Variants in RCC1L observed in about 807,000 individuals in gnomAD.
The protein encoded by RCC1L is RCC1-like G exchanging factor-like protein.
Under a neutral mutation model 58.6 loss-of-function variants are expected in RCC1L, and 46 were observed. The ratio of observed to expected loss-of-function variants is 0.79; its 90% CI spans 0.62 to 1.00. The LOEUF is 1.00. Ranked by LOEUF, RCC1L falls within the 50% of genes least tolerant of loss-of-function variation. The pLI is 0.00. For synonymous variants in RCC1L, 281 were observed against 262.9 expected (o/e 1.07, Z -0.67); for missense variants, 636 against 623.6 (o/e 1.02, Z -0.21).
intron 10 of RCC1L, among the ~76,000 whole-genome samples, chr7:75,046,790 C>T (rs1248860947): frequency 1.3e-5 from 2 of 152,232 alleles, no homozygotes; most frequent in East Asian, 3.8e-4. Context: ...CATTTAGGAA[C>T]ATCCCTATCC....
intron 10 of RCC1L, among the ~76,000 whole-genome samples, chr7:75,036,668 C>A (rs1206156780): frequency 6.6e-6 from 1 of 151,868 alleles, no homozygotes; most frequent in Non-Finnish European, 1.5e-5. Flanking sequence ...CCGAGGTGGG[C>A]GGATTACATG....
chr7:75,040,376 C>T (rs2131973526), downstream of RCC1L, among the ~76,000 whole-genome samples: 1 of 152,324 alleles, frequency 6.6e-6, no homozygotes, highest in South Asian at 2.1e-4. Flanking sequence ...AAGAGAATTG[C>T]TTGAACCCAG....
chr7:75,039,105 G>A (rs947617314), downstream of RCC1L, among the ~76,000 whole-genome samples: 32 of 152,250 alleles, frequency 2.1e-4, no homozygotes, highest in African/African-American at 7.7e-4. Context: ...CCCCCGAAGT[G>A]CTGGGATTAC....
intron 8 of RCC1L, 22 bp from the exon 9 acceptor site, chr7:75,056,096 GGTCA>G (rs1554443910): frequency 6.2e-7 from 1 of 1,613,670 alleles, no homozygotes. Flanking sequence ...TAAAAACAAG[GGTCA>G]GTAAGTCCAT....
In RCC1L at chr7:75,061,355, AAAG is replaced by A. The variant is rs1490218743; in HGVS notation, c.703-67_703-65del. ...ACTTAGAACCCTGGTGTCCTCATCC[AAAG>A]AAGGACCAGCACCATCGCCTGCCGC... On this transcript the variant is annotated intron_variant, in intron 5 of 10. Coordinates refer to ENST00000610322, the MANE Select transcript of RCC1L (RefSeq NM_030798.5). The A allele has an allele frequency of 2.1e-4, 302 of 1,441,466 alleles. 4 individuals are homozygous for A. In the East Asian group the frequency reaches 5.9e-3, roughly 28 times the overall value. 89.3% of individuals were successfully genotyped at this position (1,441,466 alleles called of 1,614,324 possible). A position where few individuals can be genotyped will look rare whatever the true frequency, so the allele number is the denominator to read the frequency against.
At chr7:75,037,258 C>T (rs1805449494), downstream of RCC1L, among the ~76,000 whole-genome samples, 1 of 152,154 alleles carries the variant, frequency 6.6e-6, no homozygotes, top group Non-Finnish European at 1.5e-5. Flanking sequence ...GATCTCGACT[C>T]ACTGCAAACT....
chr7:75,061,057 G>C (rs1806261356), intron 6 of RCC1L, 150 bp downstream of exon 6: 3 of 754,940 alleles, frequency 4.0e-6, no homozygotes, highest in Non-Finnish European at 7.2e-6. Context: ...TTGGGCGATG[G>C]AGCCAAGAAT....
chr7:75,054,151 A>C (rs1806008365), intron 9 of RCC1L, among the ~76,000 whole-genome samples: 2 of 152,262 alleles, frequency 1.3e-5, no homozygotes, highest in Admixed American at 1.3e-4. Flanking sequence ...GGATCCTCTC[A>C]TCTTGGCCTC....
At chr7:75,038,836 T>C (rs921878381), downstream of RCC1L, among the ~76,000 whole-genome samples, 22 of 152,262 alleles carry the variant, frequency 1.4e-4, 1 homozygote, top group South Asian at 8.3e-4. Context: ...TGAAGCCACC[T>C]GTGCCAGTGG....
chr7:75,072,160 A>ATATATATATATATATATG, intron 1 of RCC1L, among the ~76,000 whole-genome samples: 1 of 55,076 alleles, frequency 1.8e-5, no homozygotes, highest in Non-Finnish European at 3.9e-5. Flanking sequence ...ATATACATAT[A>ATATATATATATATATATG]CATATATATA....
chr7:75,061,430 C>A, intron 5 of RCC1L, 139 bp from the exon 6 acceptor site: 1 of 750,058 alleles, frequency 1.3e-6, no homozygotes, highest in Non-Finnish European at 2.5e-6. Flanking sequence ...CCATGCTCAT[C>A]TTACTCCTTC....
At chr7:75,028,252 G>C (rs1805193004) in intron 10 of RCC1L, among the ~76,000 whole-genome samples, 1 of 151,902 alleles carries the variant, frequency 6.6e-6, no homozygotes, top group Non-Finnish European at 1.5e-5. Context: ...TCCCAAGTAG[G>C]TGAGATTACA....
chr7:75,063,491 G>C (rs987881412), intron 4 of RCC1L, 148 bp from the exon 5 acceptor site: 2 of 868,668 alleles, frequency 2.3e-6, no homozygotes, highest in Non-Finnish European at 3.9e-6. Flanking sequence ...ATCTTAGGTC[G>C]AGTCAGGCCT....
Position 75,069,004 on chromosome 7 carries a change from G to A in RCC1L, c.454+1636C>T, listed in dbSNP as rs1490051684. On this transcript the variant is annotated intron_variant, in intron 2 of 10. Transcript: ENST00000610322. The stretch of plus-strand genomic sequence containing the variant: ...CTGCCCCAGCCTCCCGAATAGCTGG[G>A]ATTACAGGCGCGCGCCTCCATGCCC... 2.0e-4 allele frequency among the ~76,000 whole-genome samples: 30 copies of A among 151,976 alleles called. 1 individual carries two copies. Among genetic ancestry groups the A allele is most frequent in the Admixed American group, 2.0e-3 (30 of 15,232 alleles).
chr7:75,042,901 G>C lies in RCC1L; in HGVS notation c.*131C>G, dbSNP rs1425540541. 10 of 1,529,176 alleles carry C rather than the reference G, an allele frequency of 6.5e-6. No individual in the cohort carries two copies. Among genetic ancestry groups the C allele is most frequent in the Non-Finnish European group, 7.9e-6 (9 of 1,134,554 alleles). The allele number at this position is 1,529,176 out of a possible 1,614,324, so 94.7% of individuals were successfully genotyped here. A position where few individuals can be genotyped will look rare whatever the true frequency, so the allele number is the denominator to read the frequency against. On this transcript the variant is annotated 3_prime_UTR_variant, in exon 11 of 11. Transcript: ENST00000610322. ...GGTACCCGCTAAGGGATTCAGGACA[G>C]AGCGTCACACTGCACGCAGGGTCCT...
intron 9 of RCC1L, 58 bp downstream of exon 9, chr7:75,055,843 C>T: frequency 6.2e-7 from 1 of 1,606,712 alleles, no homozygotes; most frequent in Non-Finnish European, 8.5e-7. Context: ...TGGGGTTGAA[C>T]TGGAGACAGA....
At chr7:75,036,945 C>T (rs1427585213) in intron 10 of RCC1L, among the ~76,000 whole-genome samples, 1 of 152,050 alleles carries the variant, frequency 6.6e-6, no homozygotes, top group Non-Finnish European at 1.5e-5. Context: ...TGCACATCAA[C>T]TGCTGGAGTT....
At position 75,042,958 on chromosome 7, in the gene RCC1L, T is replaced by C; in HGVS notation, c.*74A>G. ...CCACCATCCAAGAACCCCGGGGGGCTGGCCACGCGCTGGCCTCTGCCAAGG... is the reference window on the plus strand; with the variant it reads ...CCACCATCCAAGAACCCCGGGGGGCCGGCCACGCGCTGGCCTCTGCCAAGG... On this transcript the variant is annotated 3_prime_UTR_variant, in exon 11 of 11. Coordinates refer to ENST00000610322, the MANE Select transcript of RCC1L (RefSeq NM_030798.5). The C allele has an allele frequency of 6.2e-7, 1 of 1,610,408 alleles. No homozygotes were observed. The highest frequency in any genetic ancestry group is 8.5e-7 in the Non-Finnish European group (1 of 1,178,104).
In RCC1L at chr7:75,028,689, G is replaced by A. The variant is rs965427578; in HGVS notation, c.1318-610C>T. 7.4e-4 allele frequency among the ~76,000 whole-genome samples: 113 copies of A among 152,132 alleles called. 1 individual carries two copies. The highest frequency in any genetic ancestry group is 1.3e-3 in the Non-Finnish European group (86 of 67,984). On this transcript the variant is annotated intron_variant, in intron 10 of 10. Coordinates refer to the RCC1L transcript ENST00000614461. Reference sequence around the variant, plus strand: ...ACACCCCTTCCTCCCTCAGCCCGTCGTCCTAACCCAGCAAAGATCTGGGCA... The same window carrying A: ...ACACCCCTTCCTCCCTCAGCCCGTCATCCTAACCCAGCAAAGATCTGGGCA...
Sources: allele counts gnomAD v4.1 joint callset (sites outside exome capture counted in the v4.1 genomes callset), GRCh38; gene constraint gnomAD v4.1.1; transcripts MANE v1.5; gene names NCBI Gene and HGNC (gene_info 2026-07-23, HGNC 2026-07-21).